SH3GL1: variants seen among roughly 807,000 people sequenced by gnomAD.
The protein encoded by SH3GL1 is SH3 domain containing GRB2 like 1, endophilin A2, also known as endophilin-A2.
In SH3GL1, 21 loss-of-function variants were observed where a neutral mutation model predicts 48.8. The ratio of observed to expected loss-of-function variants is 0.43; its 90% CI spans 0.30 to 0.62. The LOEUF (loss-of-function observed/expected upper bound fraction) is 0.62, where lower values mean the gene tolerates loss of function less well. Among genes scored for constraint, SH3GL1 ranks in the 20% least tolerant of loss-of-function variants. The pLI is 0.11. For synonymous variants in SH3GL1, 282 were observed against 217.5 expected, an observed-to-expected ratio of 1.30 and a Z score of -2.61; for missense variants, 454 against 503.0, an observed-to-expected ratio of 0.90 and a Z score of 0.93.
intron 1 of SH3GL1, among the ~76,000 whole-genome samples, chr19:4,391,849 GGGGTGGCCCA>G (rs1173035543): frequency 6.6e-6 from 1 of 152,186 alleles, no homozygotes; most frequent in African/African-American, 2.4e-5. Flanking sequence ...TGCCTGTCCT[GGGGTGGCCCA>G]GGGTCCACGC....
chr19:4,381,842 G>A (rs575116093), intron 1 of SH3GL1, among the ~76,000 whole-genome samples: 65 of 150,190 alleles, frequency 4.3e-4, no homozygotes, highest in Non-Finnish European at 8.4e-4. Context: ...ACAGGCACCC[G>A]CCGCCACGCC....
At chr19:4,393,459 C>T (rs993528258) in intron 1 of SH3GL1, among the ~76,000 whole-genome samples, 1 of 151,744 alleles carries the variant, frequency 6.6e-6, no homozygotes, top group Non-Finnish European at 1.5e-5. Flanking sequence ...CCAGCCTAGG[C>T]AACATAGTGA....
chr19:4,373,663 CAGCCAA>C (rs956037853), intron 1 of SH3GL1, among the ~76,000 whole-genome samples: 4 of 152,198 alleles, frequency 2.6e-5, no homozygotes, highest in Non-Finnish European at 5.9e-5. Context: ...GGCGTCCTCT[CAGCCAA>C]AGGGGCAGTC....
chr19:4,378,388 CAA>C (rs1973054625), intron 1 of SH3GL1, among the ~76,000 whole-genome samples: 1 of 152,034 alleles, frequency 6.6e-6, no homozygotes, highest in African/African-American at 2.4e-5. Flanking sequence ...TCGGTTTTCT[CAA>C]CCATCTCAGG....
rs545801081 is a variant in SH3GL1, at chr19:4,364,409, A to G, written c.332-188T>C. ...CTCAGCCTCCCAAGTAGCCGGGACCACAGGCGTTCACCCCCACACCTGGAT... is the reference window on the plus strand; with the variant it reads ...CTCAGCCTCCCAAGTAGCCGGGACCGCAGGCGTTCACCCCCACACCTGGAT... On this transcript the variant is annotated intron_variant, in intron 4 of 9. Transcript: ENST00000269886. The G allele has an allele frequency of 5.6e-4, 362 of 644,204 alleles. No individual in the cohort carries two copies. In the African/African-American group the frequency reaches 6.1e-3, roughly 11 times the overall value. 39.9% of individuals were successfully genotyped at this position (644,204 alleles called of 1,614,324 possible). A position where few individuals can be genotyped will look rare whatever the true frequency, so the allele number is the denominator to read the frequency against.
chr19:4,387,939 A>G (rs1255362649), intron 1 of SH3GL1, among the ~76,000 whole-genome samples: 1 of 152,042 alleles, frequency 6.6e-6, no homozygotes, highest in Non-Finnish European at 1.5e-5. Context: ...AGCTCACTGC[A>G]ACCTCTGCCT....
At chr19:4,374,633 C>T (rs2144885777) in intron 1 of SH3GL1, among the ~76,000 whole-genome samples, 1 of 152,382 alleles carries the variant, frequency 6.6e-6, no homozygotes, top group South Asian at 2.1e-4. Context: ...GCCTCCTGGC[C>T]CTCGTCTGCA....
chr19:4,366,780 C>T (rs956738448), intron 2 of SH3GL1, 146 bp downstream of exon 2: 16 of 941,464 alleles, frequency 1.7e-5, no homozygotes, highest in African/African-American at 4.8e-5. Flanking sequence ...GCTGACGAGG[C>T]CCCCACACCA....
chr19:4,386,380 TAATC>T (rs935254563), intron 1 of SH3GL1, among the ~76,000 whole-genome samples: 3 of 151,864 alleles, frequency 2.0e-5, no homozygotes, highest in Admixed American at 6.6e-5. Context: ...AGCAGAAAAA[TAATC>T]AGTCAGCAGT....
chr19:4,368,419 G>A (rs2144872303), intron 1 of SH3GL1, among the ~76,000 whole-genome samples: 1 of 152,352 alleles, frequency 6.6e-6, no homozygotes, highest in African/African-American at 2.4e-5. Context: ...TCTAGCCCAT[G>A]CCTGGAGGTC....
chr19:4,360,447 C>T lies in SH3GL1; in HGVS notation c.*1153G>A. Reference sequence around the variant, plus strand: ...AGTTTGCCCTGGACCGTGCCCAAAGCTGTGTGCTCATCTCTGCGCCCCTCA... The same window carrying T: ...AGTTTGCCCTGGACCGTGCCCAAAGTTGTGTGCTCATCTCTGCGCCCCTCA... On this transcript the variant is annotated 3_prime_UTR_variant, in exon 10 of 10. Coordinates refer to ENST00000269886, the MANE Select transcript of SH3GL1 (RefSeq NM_003025.4). 4.2e-6 allele frequency: 1 copy of T among 237,450 alleles called. No homozygotes were observed. Among genetic ancestry groups the T allele is most frequent in the Non-Finnish European group, 8.3e-6 (1 of 120,680 alleles). 14.7% of individuals were successfully genotyped at this position (237,450 alleles called of 1,614,324 possible). A position where few individuals can be genotyped will look rare whatever the true frequency, so the allele number is the denominator to read the frequency against.
chr19:4,372,994 T>C (rs1234541979), intron 1 of SH3GL1, among the ~76,000 whole-genome samples: 1 of 152,214 alleles, frequency 6.6e-6, no homozygotes, highest in East Asian at 1.9e-4. Context: ...AGTAAGTGCC[T>C]GGCATGGGTG....
chr19:4,383,359 C>T (rs946646937), intron 1 of SH3GL1, among the ~76,000 whole-genome samples: 2 of 151,958 alleles, frequency 1.3e-5, no homozygotes, highest in Admixed American at 6.6e-5. Flanking sequence ...GGACTACAGG[C>T]GTGCATCACC....
chr19:4,391,129 GACAC>G (rs960463296), intron 1 of SH3GL1, among the ~76,000 whole-genome samples: 2 of 152,030 alleles, frequency 1.3e-5, no homozygotes, highest in East Asian at 1.9e-4. Flanking sequence ...AAATGCAACA[GACAC>G]ACACACAGAC....
intron 3 of SH3GL1, among the ~76,000 whole-genome samples, chr19:4,366,128 G>A (rs1972772937): frequency 6.6e-6 from 1 of 152,184 alleles, no homozygotes; most frequent in Admixed American, 6.5e-5. Flanking sequence ...TCTCAGCCAG[G>A]GAGACCCAGT....
intron 1 of SH3GL1, among the ~76,000 whole-genome samples, chr19:4,383,470 G>A (rs1293203196): frequency 2.0e-5 from 3 of 151,976 alleles, no homozygotes; most frequent in Admixed American, 2.0e-4. Flanking sequence ...CCAGGCTCAA[G>A]CCATCCTCCT....
intron 1 of SH3GL1, among the ~76,000 whole-genome samples, chr19:4,381,384 T>C: frequency 1.1e-5 from 1 of 90,036 alleles, no homozygotes; most frequent in Non-Finnish European, 2.2e-5. Flanking sequence ...ATCTGTCCCC[T>C]CTGCCTCTCT....
chr19:4,363,495 G>A (rs1049665671), intron 6 of SH3GL1, 22 bp from the exon 7 acceptor site: 2 of 1,598,300 alleles, frequency 1.3e-6, no homozygotes, highest in African/African-American at 2.7e-5. Context: ...GTAGGGCTCA[G>A]GGGCTCCTGC....
chr19:4,382,900 A>G (rs1209868757), intron 1 of SH3GL1, among the ~76,000 whole-genome samples: 3 of 152,124 alleles, frequency 2.0e-5, no homozygotes, highest in Non-Finnish European at 4.4e-5. Context: ...AATGGTCACT[A>G]TGTAACCCAG....
Sources: allele counts gnomAD v4.1 joint callset (sites outside exome capture counted in the v4.1 genomes callset), GRCh38; gene constraint gnomAD v4.1.1; transcripts MANE v1.5; gene names NCBI Gene and HGNC (gene_info 2026-07-23, HGNC 2026-07-21).